Variants in SGCD observed in about 807,000 individuals in gnomAD.
The protein encoded by SGCD is delta-sarcoglycan.
In SGCD, 18 loss-of-function variants were observed where a neutral mutation model predicts 36.6. The observed-to-expected ratio is 0.49, with a 90% CI of 0.34 to 0.73. The LOEUF (loss-of-function observed/expected upper bound fraction) is 0.73. Among genes scored for constraint, SGCD ranks in the 30% least tolerant of loss-of-function variants. The pLI is 0.01. For synonymous variants in SGCD, 133 were observed against 130.6 expected, an observed-to-expected ratio of 1.02 and a Z score of -0.12; for missense variants, 387 against 346.7, an observed-to-expected ratio of 1.12 and a Z score of -0.92.
chr5:156,018,468 G>T (rs1759032454), intron 1 of SGCD, among the ~76,000 whole-genome samples: 1 of 152,098 alleles, frequency 6.6e-6, no homozygotes, highest in South Asian at 2.1e-4. Flanking sequence ...CAGAGATATT[G>T]GATATTTATT....
chr5:155,999,666 C>G (rs533484693), intron 1 of SGCD, among the ~76,000 whole-genome samples: 5 of 152,310 alleles, frequency 3.3e-5, no homozygotes, highest in African/African-American at 1.2e-4. Flanking sequence ...ACAAAGGTGT[C>G]TTTCGTCTTC....
chr5:155,759,252 A>G, the SGCD span, among the ~76,000 whole-genome samples: 4 of 152,210 alleles, frequency 2.6e-5, no homozygotes, highest in African/African-American at 9.6e-5. Context: ...TTTCAGTATC[A>G]TAGCTAAGGG....
intron 3 of SGCD, among the ~76,000 whole-genome samples, chr5:156,220,528 A>C (rs1455074831): frequency 6.6e-6 from 1 of 152,154 alleles, no homozygotes; most frequent in African/African-American, 2.4e-5. Context: ...TGAATGGTGG[A>C]TTGAATATGA....
At chr5:155,888,191 G>A (rs1756048744) in intron 1 of SGCD, among the ~76,000 whole-genome samples, 1 of 152,084 alleles carries the variant, frequency 6.6e-6, no homozygotes, top group South Asian at 2.1e-4. Flanking sequence ...TTCCTGTATG[G>A]TCACTTTGTC....
At chr5:156,124,167 AG>A (rs1465201173) in intron 3 of SGCD, 1 of 152,164 alleles carries the variant, frequency 6.6e-6, no homozygotes, top group Non-Finnish European at 1.5e-5. Flanking sequence ...TATCTTGAAA[AG>A]ATACCATCAC....
At chr5:156,395,480 C>A (rs1561667971) in intron 3 of SGCD, among the ~76,000 whole-genome samples, 1 of 152,192 alleles carries the variant, frequency 6.6e-6, no homozygotes, top group East Asian at 1.9e-4. Context: ...GCAAGTCTGA[C>A]TTTTAGCTGG....
chr5:156,668,973 A>G (rs921497435), intron 7 of SGCD, among the ~76,000 whole-genome samples: 2 of 152,194 alleles, frequency 1.3e-5, no homozygotes, highest in Non-Finnish European at 2.9e-5. Flanking sequence ...TGGAGCGGAA[A>G]AAAGGGCCTG....
At chr5:156,435,824 G>A (rs1041287880) in intron 3 of SGCD, among the ~76,000 whole-genome samples, 1 of 152,126 alleles carries the variant, frequency 6.6e-6, no homozygotes, top group African/African-American at 2.4e-5. Context: ...GTTCAACTCA[G>A]GCCTTTGTAA....
chr5:156,533,640 G>A (rs1757978107), intron 4 of SGCD, among the ~76,000 whole-genome samples: 1 of 152,084 alleles, frequency 6.6e-6, no homozygotes. Context: ...TAGAAAATAA[G>A]AGTGACTCTT....
chr5:156,027,310 C>T (rs555832958), intron 1 of SGCD, among the ~76,000 whole-genome samples: 132 of 152,158 alleles, frequency 8.7e-4, no homozygotes, highest in African/African-American at 3.0e-3. Flanking sequence ...AGATACGTTA[C>T]GACATCCCAG....
At chr5:155,956,383 C>T (rs1357305076) in intron 1 of SGCD, among the ~76,000 whole-genome samples, 1 of 152,106 alleles carries the variant, frequency 6.6e-6, no homozygotes, top group Non-Finnish European at 1.5e-5. Context: ...ATGTAATCAA[C>T]TCTGAGGAGA....
chr5:156,135,685 G>T (rs181559658), intron 3 of SGCD, among the ~76,000 whole-genome samples: 65 of 152,214 alleles, frequency 4.3e-4, no homozygotes, highest in African/African-American at 1.4e-3. Flanking sequence ...AATCTATTAG[G>T]CTTCAGAAGC....
intron 1 of SGCD, among the ~76,000 whole-genome samples, chr5:156,056,436 A>G (rs1390586077): frequency 6.9e-6 from 1 of 144,770 alleles, no homozygotes; most frequent in Non-Finnish European, 1.6e-5. Flanking sequence ...TGTAGGACCT[A>G]ATATCAGTGC....
chr5:156,574,127 C>A (rs1759831145), intron 4 of SGCD, among the ~76,000 whole-genome samples: 1 of 152,184 alleles, frequency 6.6e-6, no homozygotes, highest in South Asian at 2.1e-4. Context: ...CTCCCCCATA[C>A]TTTATAGGTG....
intron 3 of SGCD, among the ~76,000 whole-genome samples, chr5:156,313,573 T>C (rs113013615): frequency 6.6e-6 from 1 of 152,102 alleles, no homozygotes; most frequent in African/African-American, 2.4e-5. Flanking sequence ...AAACATTATA[T>C]CCATAAGGGT....
At chr5:156,261,864 G>T (rs1002385967) in intron 3 of SGCD, among the ~76,000 whole-genome samples, 1 of 151,960 alleles carries the variant, frequency 6.6e-6, no homozygotes, top group Non-Finnish European at 1.5e-5. Context: ...AATTTAACAA[G>T]AATTTAAAAG....
intron 3 of SGCD, 87 bp from the exon 4 acceptor site, chr5:156,508,514 A>T: frequency 2.9e-6 from 2 of 701,608 alleles, no homozygotes. Context: ...AAAAAAAAAA[A>T]GGCTATAACT....
intron 1 of SGCD, among the ~76,000 whole-genome samples, chr5:156,106,625 T>C (rs1324628587): frequency 6.6e-6 from 1 of 152,184 alleles, no homozygotes; most frequent in African/African-American, 2.4e-5. Flanking sequence ...TAATTAACCA[T>C]GCACTGACTA....
chr5:156,470,502 C>T (rs965776397), intron 3 of SGCD, among the ~76,000 whole-genome samples: 2 of 151,308 alleles, frequency 1.3e-5, no homozygotes, highest in African/African-American at 4.9e-5. Flanking sequence ...CCTACCCCCA[C>T]CCCACCACAG....
Sources: allele counts gnomAD v4.1 joint callset (sites outside exome capture counted in the v4.1 genomes callset), GRCh38; gene constraint gnomAD v4.1.1; transcripts MANE v1.5; gene names NCBI Gene and HGNC (gene_info 2026-07-23, HGNC 2026-07-21).